Variants in INTS3 observed in about 807,000 individuals in gnomAD.
INTS3 encodes the protein integrator complex subunit 3, also known as SOSS complex subunit A.
In INTS3, 34 loss-of-function variants were observed where a neutral mutation model predicts 146.3. That is an observed-to-expected ratio of 0.23 (90% CI 0.18 to 0.31). The LOEUF (loss-of-function observed/expected upper bound fraction) is 0.31, where lower values mean the gene tolerates loss of function less well. Ranked by LOEUF, INTS3 falls within the 10% of genes least tolerant of loss-of-function variation. INTS3 has a pLI of 1.00. For synonymous variants in INTS3, 475 were observed against 494.9 expected (o/e 0.96, Z 0.53); for missense variants, 757 against 1,304.2 (o/e 0.58, Z 6.46).
At position 153,741,272 on chromosome 1, in the gene INTS3, T is replaced by C. The variant is rs188074280; in HGVS notation, c.235-13T>C. 66 of 1,608,578 alleles carry C rather than the reference T, an allele frequency of 4.1e-5. No homozygotes were observed. The African/African-American group carries it at 7.3e-4, about 18-fold the overall frequency. On this transcript the variant is annotated splice_polypyrimidine_tract_variant and intron_variant, in intron 2 of 29. Coordinates refer to ENST00000318967, the MANE Select transcript of INTS3 (RefSeq NM_023015.5). Reference sequence around the variant, plus strand: ...GAGTGACAACTAGTTTGTTTTCCTTTCTCACATTCCAGGTGTGCAAAGGCC... The same window carrying C: ...GAGTGACAACTAGTTTGTTTTCCTTCCTCACATTCCAGGTGTGCAAAGGCC...
rs147588695 is a variant in INTS3, at chr1:153,757,885, C to T, written c.1149+122C>T. ...AGGGCCCTTCTTTCACTCTGGTCTTCCAGAGTGTCTCAGCCTTCACTTCCC... is the reference window on the plus strand; with the variant it reads ...AGGGCCCTTCTTTCACTCTGGTCTTTCAGAGTGTCTCAGCCTTCACTTCCC... On this transcript the variant is annotated intron_variant, in intron 10 of 29. Transcript: ENST00000318967. The surrounding 1 kb of genome is among the most constrained non-coding windows in gnomAD (Gnocchi z 4.0). The T allele has an allele frequency of 0.013, 8,893 of 697,542 alleles. 72 individuals carry two copies. The highest frequency in any genetic ancestry group is 0.021 in the Middle Eastern group (51 of 2,420). 43.2% of individuals were successfully genotyped at this position (697,542 alleles called of 1,614,324 possible). A position where few individuals can be genotyped will look rare whatever the true frequency, so the allele number is the denominator to read the frequency against.
Position 153,763,868 on chromosome 1 carries a change from T to C in INTS3, c.1803T>C (p.Ile601=), listed in dbSNP as rs963083945. Reference sequence around the variant, plus strand: ...CCCAGTGTGAGGTCATGCAGGAAATTGTGGACCAGGTCCTGGAGGTGAGGA... The same window carrying C: ...CCCAGTGTGAGGTCATGCAGGAAATCGTGGACCAGGTCCTGGAGGTGAGGA... ...TEAQCEVMQE[I]VDQVLEEDFD... The change falls in exon 17 of 30, where the codon ATT becomes ATC. Residue 601 remains isoleucine (I), a synonymous_variant. Coordinates refer to ENST00000318967, the MANE Select transcript of INTS3 (RefSeq NM_023015.5). The C allele has an allele frequency of 2.5e-6, 4 of 1,613,868 alleles. No homozygotes were observed. The East Asian group carries it at 8.9e-5, about 36-fold the overall frequency.
intron 3 of INTS3, among the ~76,000 whole-genome samples, chr1:153,742,565 G>T (rs12041434): frequency 1.3e-5 from 2 of 151,356 alleles, no homozygotes; most frequent in African/African-American, 4.9e-5. Context: ...ATTCCATTTA[G>T]TCATCTCAGT....
chr1:153,738,578 A>G (rs1671390539), intron 1 of INTS3, among the ~76,000 whole-genome samples: 1 of 152,202 alleles, frequency 6.6e-6, no homozygotes, highest in African/African-American at 2.4e-5. Flanking sequence ...ATTTAGTGAT[A>G]TTAACTTTGA....
At chr1:153,769,635 A>C (rs966936749) in intron 22 of INTS3, 134 bp from the exon 23 acceptor site, 4 of 635,268 alleles carry the variant, frequency 6.3e-6, no homozygotes, top group Non-Finnish European at 1.1e-5. Context: ...TCTCCTTCCC[A>C]TTCCTTTAAA....
At chr1:153,771,431 G>A (rs1261176412) in intron 25 of INTS3, among the ~76,000 whole-genome samples, 1 of 152,160 alleles carries the variant, frequency 6.6e-6, no homozygotes, top group Non-Finnish European at 1.5e-5. Context: ...CTGGAAGCCA[G>A]GTTGGCCCAC....
chr1:153,742,481 T>TGC (rs1671572750), intron 3 of INTS3, among the ~76,000 whole-genome samples: 1 of 26,110 alleles, frequency 3.8e-5, no homozygotes, highest in Admixed American at 8.7e-4. Flanking sequence ...TTAATCTCTG[T>TGC]GTGTGTGTGT....
chr1:153,738,457 T>C (rs1259349990), intron 1 of INTS3, among the ~76,000 whole-genome samples: 1 of 152,194 alleles, frequency 6.6e-6, no homozygotes, highest in Non-Finnish European at 1.5e-5. Flanking sequence ...TGTCTGAAAT[T>C]TCTTCATAAT....
At chr1:153,729,419 A>G (rs1670979179) in intron 1 of INTS3, among the ~76,000 whole-genome samples, 1 of 152,234 alleles carries the variant, frequency 6.6e-6, no homozygotes, top group Admixed American at 6.5e-5. Context: ...TCTGAAAAAG[A>G]AGGTGGAGCG....
Position 153,773,750 on chromosome 1 carries a change from A to C in INTS3, c.*480A>C, listed in dbSNP as rs541393665. On this transcript the variant is annotated 3_prime_UTR_variant, in exon 30 of 30. Transcript: ENST00000318967. ...TCTGAAGGGACGTTTTATAGTCACT[A>C]TCCACATGCCAGTGTGAAATGGGCA... 98 of 186,846 alleles carry C rather than the reference A, an allele frequency of 5.2e-4. No homozygotes were observed. Among genetic ancestry groups the C allele is most frequent in the African/African-American group, 2.1e-3 (90 of 42,184 alleles). The allele number at this position is 186,846 out of a possible 1,614,324, so 11.6% of individuals were successfully genotyped here.
chr1:153,771,054 A>G (rs1331874768), intron 25 of INTS3, among the ~76,000 whole-genome samples: 1 of 123,886 alleles, frequency 8.1e-6, no homozygotes, highest in Non-Finnish European at 1.7e-5. Context: ...CCACCGCCCC[A>G]TGCTCCTGCT....
intron 13 of INTS3, 35 bp downstream of exon 13, chr1:153,760,953 C>T (rs1284017509): frequency 1.9e-6 from 3 of 1,599,256 alleles, no homozygotes; most frequent in East Asian, 4.5e-5. Context: ...GGTTGTTTTC[C>T]CATTTTTCAT....
rs1671835848 is a variant in INTS3, at chr1:153,748,480, A to G, written c.518-209A>G. On this transcript the variant is annotated intron_variant, in intron 5 of 29. Coordinates refer to ENST00000318967, the MANE Select transcript of INTS3 (RefSeq NM_023015.5). ...GGAAAGTAGCAGCTCTGGTTTCTAG[A>G]AAAATTCAGAACCTTCCCTTTCCTT... 2.4e-5 allele frequency: 15 copies of G among 627,914 alleles called. No homozygotes were observed. The Admixed American group carries it at 3.8e-4, about 16-fold the overall frequency. The allele number at this position is 627,914 out of a possible 1,614,324, so 38.9% of individuals were successfully genotyped here. A position where few individuals can be genotyped will look rare whatever the true frequency, so the allele number is the denominator to read the frequency against.
intron 10 of INTS3, among the ~76,000 whole-genome samples, chr1:153,759,048 T>G (rs779211641): frequency 6.6e-6 from 1 of 151,726 alleles, no homozygotes; most frequent in Non-Finnish European, 1.5e-5. Flanking sequence ...GCCTAAGAGG[T>G]CAAGGCTGGA....
Position 153,772,043 on chromosome 1 carries a change from G to T in INTS3, c.2720+80G>T, listed in dbSNP as rs910808234. ...GTCGGTGGTGGTGGTGGTGGTGGTGGTGGTGGTGATGGGGGTCAGTGCTGT... is the reference window on the plus strand; with the variant it reads ...GTCGGTGGTGGTGGTGGTGGTGGTGTTGGTGGTGATGGGGGTCAGTGCTGT... On this transcript the variant is annotated intron_variant, in intron 26 of 29. Transcript: ENST00000318967. The surrounding 1 kb of genome is among the most constrained non-coding windows in gnomAD (Gnocchi z 4.6). 38 of 1,392,214 alleles carry T rather than the reference G, an allele frequency of 2.7e-5. No homozygotes were observed. The highest frequency in any genetic ancestry group is 3.2e-5 in the Non-Finnish European group (33 of 1,025,484). 86.2% of individuals were successfully genotyped at this position (1,392,214 alleles called of 1,614,324 possible).
chr1:153,770,097 GT>G, intron 23 of INTS3, 100 bp from the exon 24 acceptor site: 1 of 494,046 alleles, frequency 2.0e-6, no homozygotes, highest in Non-Finnish European at 3.7e-6. Flanking sequence ...GTGTGTGTGT[GT>G]GTGTGCTGGT....
At chr1:153,745,623 C>G (rs1435876502) in intron 3 of INTS3, among the ~76,000 whole-genome samples, 1 of 150,966 alleles carries the variant, frequency 6.6e-6, no homozygotes. Context: ...AGGTATTCCT[C>G]CAGGAGTCTG....
At chr1:153,760,093 G>A (rs567207399) in intron 11 of INTS3, 7 of 581,476 alleles carry the variant, frequency 1.2e-5, no homozygotes, top group South Asian at 4.4e-5. Flanking sequence ...TTAGCCTGGC[G>A]TGGTGGCGCA....
chr1:153,761,067 T>C, intron 13 of INTS3, 149 bp downstream of exon 13: 2 of 1,452,752 alleles, frequency 1.4e-6, no homozygotes, highest in Non-Finnish European at 1.8e-6. Context: ...ATATGTCTTC[T>C]TGGCTCTTAG....
Sources: allele counts gnomAD v4.1 joint callset (sites outside exome capture counted in the v4.1 genomes callset), GRCh38; gene constraint gnomAD v4.1.1; non-coding constraint Gnocchi (gnomAD v3.1); transcripts MANE v1.5; gene names NCBI Gene and HGNC (gene_info 2026-07-23, HGNC 2026-07-21).